SMYD2: variants seen among roughly 807,000 people sequenced by gnomAD.
SMYD2 encodes the protein SET and MYND domain containing 2.
A neutral mutation model predicts 59.1 loss-of-function variants in SMYD2; 53 were observed. The observed-to-expected ratio is 0.90, with a 90% CI of 0.72 to 1.13. The LOEUF (loss-of-function observed/expected upper bound fraction) is 1.13. SMYD2 is among the 50% of genes most tolerant of loss of function. The probability of loss-of-function intolerance (pLI) is 0.00; values close to 1 mark genes in which losing one functional copy is unlikely to be tolerated. For synonymous variants in SMYD2, 208 were observed against 198.8 expected, an observed-to-expected ratio of 1.05 and a Z score of -0.39; for missense variants, 494 against 544.7, an observed-to-expected ratio of 0.91 and a Z score of 0.93.
chr1:214,301,119 T>C (rs1194351489), intron 1 of SMYD2, among the ~76,000 whole-genome samples: 1 of 152,234 alleles, frequency 6.6e-6, no homozygotes, highest in Non-Finnish European at 1.5e-5. Context: ...GTCTCTTTAA[T>C]GTCTGGATTT....
intron 1 of SMYD2, among the ~76,000 whole-genome samples, 173 bp downstream of exon 1, chr1:214,281,600 C>G (rs1276989383): frequency 6.6e-6 from 1 of 152,112 alleles, no homozygotes; most frequent in African/African-American, 2.4e-5. Flanking sequence ...CGCTGCAGCC[C>G]CACGCCAGGC....
chr1:214,317,919 G>A (rs1657110857), intron 3 of SMYD2, among the ~76,000 whole-genome samples, 160 bp from the exon 4 acceptor site: 2 of 152,194 alleles, frequency 1.3e-5, no homozygotes, highest in African/African-American at 4.8e-5. Flanking sequence ...CTTTGGATTT[G>A]GCTGGTGGAG....
intron 6 of SMYD2, among the ~76,000 whole-genome samples, chr1:214,327,248 C>T (rs572989551): frequency 6.6e-6 from 1 of 152,316 alleles, no homozygotes. Flanking sequence ...TGCTTGAAAG[C>T]GACAACGCAC....
intron 6 of SMYD2, 103 bp downstream of exon 6, chr1:214,324,811 T>C: frequency 9.8e-7 from 1 of 1,024,722 alleles, no homozygotes; most frequent in Non-Finnish European, 1.5e-6. Context: ...GTGGCAGACA[T>C]GAAACTCAAA....
intron 1 of SMYD2, among the ~76,000 whole-genome samples, chr1:214,294,254 G>A (rs1161199615): frequency 6.6e-6 from 1 of 152,154 alleles, no homozygotes; most frequent in Admixed American, 6.5e-5. Context: ...TCCACAATTC[G>A]GGGTAATTCG....
chr1:214,317,203 G>A (rs1346969040), intron 3 of SMYD2, among the ~76,000 whole-genome samples: 1 of 152,098 alleles, frequency 6.6e-6, no homozygotes, highest in East Asian at 1.9e-4. Flanking sequence ...GCAAAGATGA[G>A]TTTATACAAG....
intron 1 of SMYD2, among the ~76,000 whole-genome samples, chr1:214,299,241 T>C (rs563764196): frequency 6.6e-6 from 1 of 152,266 alleles, no homozygotes; most frequent in South Asian, 2.1e-4. Flanking sequence ...GAATATAAAT[T>C]AGTTCAGCCA....
rs1656886803 is a variant in SMYD2 at position 214,304,581 on chromosome 1, A to AAAAAAAAAAC, written c.174-605_174-604insAAAAAAAACA. On this transcript the variant is annotated intron_variant, in intron 1 of 11. Coordinates refer to ENST00000366957, the MANE Select transcript of SMYD2 (RefSeq NM_020197.3). ...CTCAAAAAAAAAAAAAAAAAAAAAAAAGCATCTATCTCCACTTGCTAGGTT... is the reference window on the plus strand; with the variant it reads ...CTCAAAAAAAAAAAAAAAAAAAAAAAAAAAAAAAACAGCATCTATCTCCACTTGCTAGGTT... Among the ~76,000 whole-genome samples, 2 of 151,396 alleles carry AAAAAAAAAAC rather than the reference A, an allele frequency of 1.3e-5. 1 individual carries two copies. Among genetic ancestry groups the AAAAAAAAAAC allele is most frequent in the African/African-American group, 4.9e-5 (2 of 41,206 alleles).
intron 5 of SMYD2, among the ~76,000 whole-genome samples, chr1:214,320,113 A>G (rs184795824): frequency 4.6e-5 from 7 of 152,330 alleles, no homozygotes; most frequent in African/African-American, 1.7e-4. Context: ...AGGAAATACT[A>G]TAAATGGCCA....
At chr1:214,297,043 C>G (rs1656740290) in intron 1 of SMYD2, among the ~76,000 whole-genome samples, 1 of 152,220 alleles carries the variant, frequency 6.6e-6, no homozygotes, top group South Asian at 2.1e-4. Flanking sequence ...ATCTGCCTTG[C>G]AGAGTGCTTC....
chr1:214,314,247 A>G (rs1353813436), intron 2 of SMYD2, among the ~76,000 whole-genome samples: 2 of 152,136 alleles, frequency 1.3e-5, no homozygotes, highest in Non-Finnish European at 2.9e-5. Flanking sequence ...AACTATTCCT[A>G]AATCTTTCCA....
chr1:214,329,788 A>G (rs1038771112), intron 7 of SMYD2, among the ~76,000 whole-genome samples: 1 of 152,190 alleles, frequency 6.6e-6, no homozygotes, highest in Non-Finnish European at 1.5e-5. Context: ...GACGGCAACG[A>G]AGCATTTGCG....
At chr1:214,311,540 A>G (rs1388083498) in intron 2 of SMYD2, among the ~76,000 whole-genome samples, 2 of 152,272 alleles carry the variant, frequency 1.3e-5, no homozygotes, top group Non-Finnish European at 2.9e-5. Context: ...GATAAAATGC[A>G]GGTTTCTTGA....
intron 2 of SMYD2, among the ~76,000 whole-genome samples, chr1:214,311,665 G>A (rs1239378749): frequency 6.6e-6 from 1 of 151,966 alleles, no homozygotes; most frequent in Non-Finnish European, 1.5e-5. Flanking sequence ...TCACCATTAT[G>A]TAGTATTTAC....
chr1:214,322,211 C>T (rs549035458), intron 5 of SMYD2, among the ~76,000 whole-genome samples: 57 of 152,268 alleles, frequency 3.7e-4, no homozygotes, highest in African/African-American at 1.2e-3. Flanking sequence ...ACTGCTGAGG[C>T]GTGGTAGTAC....
chr1:214,310,374 C>T (rs918201177), intron 2 of SMYD2, among the ~76,000 whole-genome samples: 2 of 152,126 alleles, frequency 1.3e-5, no homozygotes, highest in African/African-American at 4.8e-5. Context: ...ACAGTCTGTC[C>T]TCATTATGGG....
intron 1 of SMYD2, among the ~76,000 whole-genome samples, chr1:214,291,986 A>C (rs1656642773): frequency 6.6e-6 from 1 of 152,118 alleles, no homozygotes. Flanking sequence ...TTAACAAGGA[A>C]GTAGGGATTT....
chr1:214,324,589 C>T, intron 5 of SMYD2, 52 bp from the exon 6 acceptor site: 3 of 1,473,232 alleles, frequency 2.0e-6, no homozygotes, highest in Non-Finnish European at 1.9e-6. Context: ...GATCTCTACC[C>T]AGAAAGAAGC....
intron 1 of SMYD2, among the ~76,000 whole-genome samples, chr1:214,301,259 C>A (rs1279387048): frequency 6.6e-6 from 1 of 151,788 alleles, no homozygotes; most frequent in Non-Finnish European, 1.5e-5. Context: ...ATTTCGATAC[C>A]CTTCTCAGTT....
Sources: allele counts gnomAD v4.1 joint callset (sites outside exome capture counted in the v4.1 genomes callset), GRCh38; gene constraint gnomAD v4.1.1; transcripts MANE v1.5; gene names NCBI Gene and HGNC (gene_info 2026-07-23, HGNC 2026-07-21).